Variants in SLC30A10 observed in about 807,000 individuals in gnomAD.
SLC30A10 encodes the protein calcium/manganese antiporter SLC30A10.
In SLC30A10, 8 loss-of-function variants were observed where a neutral mutation model predicts 21.7. That is an observed-to-expected ratio of 0.37 (90% confidence interval 0.22 to 0.67). SLC30A10 has a LOEUF of 0.67. Ranked by LOEUF, SLC30A10 falls within the 30% of genes least tolerant of loss-of-function variation. The pLI, the probability that SLC30A10 is intolerant of heterozygous loss-of-function variation, is 0.58. For synonymous variants in SLC30A10, 272 were observed against 279.4 expected, an observed-to-expected ratio of 0.97 and a Z score of 0.26; for missense variants, 521 against 642.5, an observed-to-expected ratio of 0.81 and a Z score of 2.04.
In SLC30A10 at chr1:219,928,081, G is replaced by A; in HGVS notation, c.360C>T (p.Gly120=). ...IDDPELVLIV[G]VLGLLVNVVG... is the part of the protein sequence containing the mutation. ...CCACGTTGACCAACAGCCCCAGGAC[G>A]CCGACGATGAGCACCAGCTCGGGGT... Residue 120 remains glycine (G), a synonymous_variant, in exon 1 of 4, where the codon GGC becomes GGT. Transcript: ENST00000366926. This position sits in a 1 kb window ranked among gnomAD's most constrained non-coding sequence, Gnocchi z 6.3. 1 of 1,587,954 alleles carries A rather than the reference G, an allele frequency of 6.3e-7. No individual in the cohort carries two copies. Among genetic ancestry groups the A allele is most frequent in the Non-Finnish European group, 8.6e-7 (1 of 1,168,596 alleles).
intron 1 of SLC30A10, among the ~76,000 whole-genome samples, chr1:219,944,220 G>A (rs1200293152): frequency 6.6e-6 from 1 of 151,624 alleles, no homozygotes. Flanking sequence ...GGCCAAGGCG[G>A]GCAGATCACG....
At chr1:219,958,252 G>A (rs867098804) in intron 1 of SLC30A10, among the ~76,000 whole-genome samples, 9 of 151,986 alleles carry the variant, frequency 5.9e-5, no homozygotes, top group Non-Finnish European at 1.0e-4. Flanking sequence ...CACATCCACC[G>A]TCTTTCCAAT....
intron 1 of SLC30A10, among the ~76,000 whole-genome samples, chr1:219,942,390 T>G (rs567194612): frequency 1.3e-5 from 2 of 152,046 alleles, no homozygotes; most frequent in Admixed American, 6.5e-5. Flanking sequence ...GTTTGACTCC[T>G]TGATCAAAGG....
rs1167601540 is a variant in SLC30A10, at chr1:219,944,192, A to T, written n.80+14376T>A. 2.0e-5 allele frequency among the ~76,000 whole-genome samples: 3 copies of T among 151,868 alleles called. No homozygotes were observed. In the East Asian group the frequency reaches 5.8e-4, roughly 29 times the overall value. ...GCGGGGCATGACAGCTTACGCCTAT[A>T]ATCCCAGCACTTTGGGAGGCCAAGG... On this transcript the variant is annotated intron_variant and non_coding_transcript_variant, in intron 1 of 8. Coordinates refer to the SLC30A10 transcript ENST00000484239.
At chr1:219,958,281 G>A (rs1041492741) in intron 1 of SLC30A10, among the ~76,000 whole-genome samples, 2 of 152,142 alleles carry the variant, frequency 1.3e-5, no homozygotes, top group Non-Finnish European at 2.9e-5. Flanking sequence ...CTGTGGCTAC[G>A]ATTAGTGCCT....
At chr1:219,930,175 C>CA (rs893210791), upstream of SLC30A10, among the ~76,000 whole-genome samples, 1,971 of 145,230 alleles carry the variant, frequency 0.014, 40 homozygotes, top group African/African-American at 0.045. Flanking sequence ...AACAAACAAA[C>CA]AAAAAAAAAA....
intron 2 of SLC30A10, among the ~76,000 whole-genome samples, chr1:219,925,651 A>ATATATATTTTTTTTTT (rs1317554458): frequency 1.0e-4 from 5 of 48,282 alleles, no homozygotes; most frequent in African/African-American, 5.9e-4. Context: ...ATATATATAT[A>ATATATATTTTTTTTTT]TTTTTTTTTT....
In SLC30A10 at chr1:219,912,464, G is replaced by A. The variant is rs1659435836; in HGVS notation, c.*2985C>T. On this transcript the variant is annotated 3_prime_UTR_variant, in exon 4 of 4. Transcript: ENST00000366926. ...GTAGAAACAGAAGTGCAGTAGGGCCGTGTAGAAGGCCAGGTGAGCACACAG... is the reference window on the plus strand; with the variant it reads ...GTAGAAACAGAAGTGCAGTAGGGCCATGTAGAAGGCCAGGTGAGCACACAG... Among the ~76,000 whole-genome samples, 1 of 152,200 alleles carries A rather than the reference G, an allele frequency of 6.6e-6. No homozygotes were observed. The highest frequency in any genetic ancestry group is 2.4e-5 in the African/African-American group (1 of 41,448).
At chr1:219,938,477 T>G (rs1660076371) in intron 1 of SLC30A10, among the ~76,000 whole-genome samples, 1 of 152,144 alleles carries the variant, frequency 6.6e-6, no homozygotes, top group Non-Finnish European at 1.5e-5. Flanking sequence ...TTTTTCAAAT[T>G]TGCCTTCCCC....
In SLC30A10 at chr1:219,928,476, G is replaced by GT; in HGVS notation, c.-37_-36insA. The GT allele has an allele frequency of 6.6e-7, 1 of 1,517,068 alleles. No homozygotes were observed. Among genetic ancestry groups the GT allele is most frequent in the Non-Finnish European group, 8.8e-7 (1 of 1,133,156 alleles). The allele number at this position is 1,517,068 out of a possible 1,614,324, so 94.0% of individuals were successfully genotyped here. ...GCCCCGGGCGCCCGGCGCCGCCCAG[G>GT]GGAGCGCAGCCCACCCCGCGCGCAG... On this transcript the variant is annotated 5_prime_UTR_variant, in exon 1 of 4. Coordinates refer to ENST00000366926, the MANE Select transcript of SLC30A10 (RefSeq NM_018713.3). This position sits in a 1 kb window ranked among gnomAD's most constrained non-coding sequence, Gnocchi z 6.3.
In SLC30A10 at chr1:219,912,881, A is replaced by G. The variant is rs766305583; in HGVS notation, c.*2568T>C. Among the ~76,000 whole-genome samples the G allele has an allele frequency of 2.5e-4, 38 of 152,164 alleles. No homozygotes were observed. The highest frequency in any genetic ancestry group is 3.4e-4 in the Non-Finnish European group (23 of 68,016). On this transcript the variant is annotated 3_prime_UTR_variant, in exon 4 of 4. Transcript: ENST00000366926. ...AAAAAAAATTATGTCAGTTCTTTAAAAAAAGGCGGGGAGGAGGGGATTTTC... is the reference window on the plus strand; with the variant it reads ...AAAAAAAATTATGTCAGTTCTTTAAGAAAAGGCGGGGAGGAGGGGATTTTC...
In SLC30A10 at chr1:219,928,510, G is replaced by A. The variant is rs886046005; in HGVS notation, c.-70C>T. The stretch of plus-strand genomic sequence containing the variant: ...GCCCACCCCGCGCGCAGCCACAGGT[G>A]GGGGGCGCGGCGCGGATCCGTGAGG... On this transcript the variant is annotated 5_prime_UTR_variant, in exon 1 of 4. Coordinates refer to ENST00000366926, the MANE Select transcript of SLC30A10 (RefSeq NM_018713.3). The surrounding 1 kb of genome is among the most constrained non-coding windows in gnomAD (Gnocchi z 6.3). 5.4e-5 allele frequency: 74 copies of A among 1,381,278 alleles called. No homozygotes were observed. The highest frequency in any genetic ancestry group is 3.4e-5 in the Admixed American group (1 of 29,310). 85.6% of individuals were successfully genotyped at this position (1,381,278 alleles called of 1,614,324 possible). A position where few individuals can be genotyped will look rare whatever the true frequency, so the allele number is the denominator to read the frequency against.
intron 1 of SLC30A10, among the ~76,000 whole-genome samples, chr1:219,948,455 C>T (rs1006814361): frequency 6.6e-6 from 1 of 152,082 alleles, no homozygotes; most frequent in African/African-American, 2.4e-5. Flanking sequence ...AGAAATAATG[C>T]CACGTATCTA....
At chr1:219,958,928 C>A (rs1660386725), upstream of SLC30A10, among the ~76,000 whole-genome samples, 1 of 152,178 alleles carries the variant, frequency 6.6e-6, no homozygotes, top group Non-Finnish European at 1.5e-5. Context: ...GAGTTGCCAA[C>A]GTAAGCGATC....
intron 1 of SLC30A10, among the ~76,000 whole-genome samples, chr1:219,939,730 T>C (rs1195233340): frequency 1.3e-5 from 2 of 151,996 alleles, no homozygotes; most frequent in Non-Finnish European, 2.9e-5. Flanking sequence ...ACCTGGCCCA[T>C]TTCTTTCTTT....
At chr1:219,944,230 G>A (rs542487714) in intron 1 of SLC30A10, among the ~76,000 whole-genome samples, 15 of 150,040 alleles carry the variant, frequency 1.0e-4, no homozygotes, top group South Asian at 2.1e-4. Flanking sequence ...GGCAGATCAC[G>A]AGGTCAGGAG....
chr1:219,958,952 C>G (rs1376241586), upstream of SLC30A10, among the ~76,000 whole-genome samples: 1 of 152,200 alleles, frequency 6.6e-6, no homozygotes, highest in East Asian at 1.9e-4. Context: ...AGTTCCATCA[C>G]AAAGAGGAGG....
At chr1:219,936,529 C>A (rs1188726627) in intron 1 of SLC30A10, among the ~76,000 whole-genome samples, 1 of 152,152 alleles carries the variant, frequency 6.6e-6, no homozygotes, top group South Asian at 2.1e-4. Flanking sequence ...GTCCCTCATG[C>A]CCTGATCACA....
rs771866877 is a variant in SLC30A10 at position 219,928,387 on chromosome 1, G to T, written c.54C>A (p.Thr18=). 14 of 1,613,460 alleles carry T rather than the reference G, an allele frequency of 8.7e-6. No homozygotes were observed. Among genetic ancestry groups the T allele is most frequent in the Non-Finnish European group, 1.2e-5 (14 of 1,179,710 alleles). Residue 18 remains threonine, a synonymous_variant, in exon 1 of 4, where the codon ACC becomes ACA. Coordinates refer to ENST00000366926, the MANE Select transcript of SLC30A10 (RefSeq NM_018713.3). This position sits in a 1 kb window ranked among gnomAD's most constrained non-coding sequence, Gnocchi z 6.3. ...CCAGCTCCGCCACGAAGAAGGCGAC[G>T]GTGAGCACCAGCATGAAGAGCAGCC... ...TCRLLFMLVL[T]VAFFVAELVS...
Sources: allele counts gnomAD v4.1 joint callset (sites outside exome capture counted in the v4.1 genomes callset), GRCh38; gene constraint gnomAD v4.1.1; non-coding constraint Gnocchi (gnomAD v3.1); transcripts MANE v1.5; gene names NCBI Gene and HGNC (gene_info 2026-07-23, HGNC 2026-07-21).